The following PAFAH1B2 variants were observed in gnomAD, a reference collection of about 807,000 sequenced individuals.
The protein encoded by PAFAH1B2 is platelet activating factor acetylhydrolase 1b catalytic subunit 2, also known as platelet-activating factor acetylhydrolase IB subunit alpha2.
A neutral mutation model predicts 28.0 loss-of-function variants in PAFAH1B2; 8 were observed. That is an observed-to-expected ratio of 0.29 (90% CI 0.17 to 0.52). The LOEUF (loss-of-function observed/expected upper bound fraction) is 0.52. Ranked by LOEUF, PAFAH1B2 falls within the 20% of genes least tolerant of loss-of-function variation. PAFAH1B2 has a pLI of 0.97. For missense variants in PAFAH1B2, 190 were observed against 282.6 expected (o/e 0.67, Z 2.35); for synonymous variants, 104 against 103.2 (o/e 1.01, Z -0.05).
At position 117,170,922 on chromosome 11, in the gene PAFAH1B2, G is replaced by A. The variant is rs1956637297; in HGVS notation, c.*3223G>A. 2.8e-6 allele frequency: 3 copies of A among 1,058,752 alleles called. No homozygotes were observed. In the East Asian group the frequency reaches 1.6e-4, roughly 55 times the overall value. The allele number at this position is 1,058,752 out of a possible 1,614,324, so 65.6% of individuals were successfully genotyped here. A position where few individuals can be genotyped will look rare whatever the true frequency, so the allele number is the denominator to read the frequency against. On this transcript the variant is annotated 3_prime_UTR_variant, in exon 6 of 6. Coordinates refer to ENST00000527958, the MANE Select transcript of PAFAH1B2 (RefSeq NM_002572.4). ...TTGGTGTTCCTGCTTGGGGATCACT[G>A]CTGCTAGCTGACTGGACCTCCCCAT...
chr11:117,174,907 A>C, downstream of PAFAH1B2: 3 of 1,526,162 alleles, frequency 2.0e-6, no homozygotes, highest in South Asian at 2.4e-5. Flanking sequence ...GAGTCACCGC[A>C]CCAGGCCATC....
At chr11:117,149,389 T>TA (rs1333943943) in intron 1 of PAFAH1B2, among the ~76,000 whole-genome samples, 2 of 149,738 alleles carry the variant, frequency 1.3e-5, no homozygotes, top group African/African-American at 2.5e-5. Context: ...GGCTAAAATC[T>TA]AACTTTTTAA....
intron 3 of PAFAH1B2, 64 bp downstream of exon 3, chr11:117,160,087 A>G: frequency 9.0e-7 from 1 of 1,112,994 alleles, no homozygotes; most frequent in East Asian, 2.3e-5. Flanking sequence ...TTACTAACAG[A>G]CTTTCATTCT....
downstream of PAFAH1B2, chr11:117,175,832 G>C: frequency 7.3e-7 from 1 of 1,377,612 alleles, no homozygotes; most frequent in Non-Finnish European, 9.9e-7. Context: ...TCGAGAGGCT[G>C]TGGCAGATCG....
chr11:117,147,109 A>T (rs558693049), intron 1 of PAFAH1B2, among the ~76,000 whole-genome samples: 14 of 152,028 alleles, frequency 9.2e-5, no homozygotes, highest in Non-Finnish European at 1.8e-4. Flanking sequence ...TCTTCACTAA[A>T]AATACAAAAA....
chr11:117,151,233 CTTTTT>C (rs11449159), intron 1 of PAFAH1B2, among the ~76,000 whole-genome samples: 3 of 133,974 alleles, frequency 2.2e-5, no homozygotes, highest in East Asian at 2.2e-4. Flanking sequence ...TTTTCTTTTT[CTTTTT>C]TTTTTTTTTG....
In PAFAH1B2 at chr11:117,149,430, G is replaced by GTTTTGTTTTTT. The variant is rs1956092694; in HGVS notation, c.-7-3007_-7-3006insGTTTTTTTTTT. ...TTAATTTAAAAAAAGTTTTCTAATC[G>GTTTTGTTTTTT]TTTTTTTTTTTTTTGAGATGGAGTC... On this transcript the variant is annotated intron_variant, in intron 1 of 5. Transcript: ENST00000527958. Among the ~76,000 whole-genome samples the GTTTTGTTTTTT allele has an allele frequency of 2.3e-5, 2 of 86,050 alleles. 1 individual carries two copies. The highest frequency in any genetic ancestry group is 9.3e-5 in the African/African-American group (2 of 21,568). 56.5% of individuals were successfully genotyped at this position (86,050 alleles called of 152,430 possible).
Position 117,160,645 on chromosome 11 carries a change from C to T in PAFAH1B2, c.172-500C>T, listed in dbSNP as rs573304776. Among the ~76,000 whole-genome samples, 5 of 152,144 alleles carry T rather than the reference C, an allele frequency of 3.3e-5. No individual in the cohort carries two copies. In the East Asian group the frequency reaches 9.7e-4, roughly 29 times the overall value. ...CTGATTTTTGTATTTTTAGTGGAGA[C>T]GGGGTTTCACTATGTTGGCCAGGCT... On this transcript the variant is annotated intron_variant, in intron 3 of 5. Transcript: ENST00000527958.
chr11:117,154,263 G>A (rs1469654562), intron 2 of PAFAH1B2, among the ~76,000 whole-genome samples: 3 of 152,118 alleles, frequency 2.0e-5, no homozygotes, highest in Non-Finnish European at 4.4e-5. Flanking sequence ...TGAGGCAGGT[G>A]AATCGCTTGA....
At chr11:117,175,256 C>T, downstream of PAFAH1B2, 1 of 1,082,718 alleles carries the variant, frequency 9.2e-7, no homozygotes, top group Non-Finnish European at 1.1e-6. Context: ...GCCCCGACAT[C>T]TCCCCTGTGT....
intron 1 of PAFAH1B2, among the ~76,000 whole-genome samples, chr11:117,147,631 A>G (rs1008754084): frequency 6.6e-6 from 1 of 152,360 alleles, no homozygotes; most frequent in East Asian, 1.9e-4. Flanking sequence ...CCTGGTGTTT[A>G]AAAATGTTAC....
At chr11:117,152,881 G>A (rs1423601471) in intron 2 of PAFAH1B2, among the ~76,000 whole-genome samples, 2 of 152,182 alleles carry the variant, frequency 1.3e-5, no homozygotes, top group African/African-American at 2.4e-5. Context: ...GACCAGACTG[G>A]CCAATATGGT....
chr11:117,145,263 C>CCCG (rs1167983206), intron 1 of PAFAH1B2, among the ~76,000 whole-genome samples: 1 of 152,128 alleles, frequency 6.6e-6, no homozygotes, highest in African/African-American at 2.4e-5. Flanking sequence ...TGCGTGGTGA[C>CCCG]TCATGCTTCT....
intron 2 of PAFAH1B2, among the ~76,000 whole-genome samples, chr11:117,156,597 T>A (rs576394896): frequency 1.1e-4 from 16 of 152,240 alleles, no homozygotes; most frequent in Non-Finnish European, 1.9e-4. Context: ...TATAGATGTG[T>A]TGTTTTGGTC....
Position 117,169,237 on chromosome 11 carries a change from T to TA in PAFAH1B2, c.*1538_*1539insA. ...TTTGTTTCACTTCTGAGGTGTCTTA[T>TA]TAATGTACTTCATCTGAGAATTTGT... On this transcript the variant is annotated 3_prime_UTR_variant, in exon 6 of 6. Transcript: ENST00000527958. 1 of 1,036,994 alleles carries TA rather than the reference T, an allele frequency of 9.6e-7. No homozygotes were observed. Among genetic ancestry groups the TA allele is most frequent in the Non-Finnish European group, 1.2e-6 (1 of 861,492 alleles). 64.2% of individuals were successfully genotyped at this position (1,036,994 alleles called of 1,614,324 possible).
intron 2 of PAFAH1B2, chr11:117,159,648 T>A (rs1956325586): frequency 3.2e-6 from 1 of 309,686 alleles, no homozygotes; most frequent in South Asian, 6.9e-5. Context: ...GGTGGGAAGA[T>A]GACTTGAGCC....
chr11:117,175,877 T>G, downstream of PAFAH1B2: 2 of 1,533,884 alleles, frequency 1.3e-6, no homozygotes, highest in Non-Finnish European at 1.7e-6. Context: ...GCCTGGGCAA[T>G]GTATCACGAG....
At chr11:117,175,467 C>T (rs991228391), downstream of PAFAH1B2, 168 of 1,076,764 alleles carry the variant, frequency 1.6e-4, no homozygotes, top group Middle Eastern at 8.1e-4. Flanking sequence ...ACTCTGTAGA[C>T]GCAGGGTCCT....
chr11:117,176,328 C>T, exon 6 of PAFAH1B2: 2 of 293,930 alleles, frequency 6.8e-6, no homozygotes, highest in East Asian at 5.3e-5. Flanking sequence ...ACCATTTGCC[C>T]AGCATAACTA....
Sources: allele counts gnomAD v4.1 joint callset (sites outside exome capture counted in the v4.1 genomes callset), GRCh38; gene constraint gnomAD v4.1.1; transcripts MANE v1.5; gene names NCBI Gene and HGNC (gene_info 2026-07-23, HGNC 2026-07-21).